TSNAX: variants seen among roughly 807,000 people sequenced by gnomAD.
The protein encoded by TSNAX is translin-associated protein X.
A neutral mutation model predicts 33.0 loss-of-function variants in TSNAX; 12 were observed. The ratio of observed to expected loss-of-function variants is 0.36; its 90% CI spans 0.23 to 0.59. The LOEUF is 0.59. TSNAX is among the 20% of genes least tolerant of loss of function. The pLI, the probability that TSNAX is intolerant of heterozygous loss-of-function variation, is 0.74. For missense variants in TSNAX, 267 were observed against 341.3 expected, an observed-to-expected ratio of 0.78 and a Z score of 1.72; for synonymous variants, 110 against 117.2, an observed-to-expected ratio of 0.94 and a Z score of 0.40.
At chr1:231,548,007 A>ATTT in intron 4 of TSNAX, among the ~76,000 whole-genome samples, 1 of 151,826 alleles carries the variant, frequency 6.6e-6, no homozygotes, top group Non-Finnish European at 1.5e-5. Context: ...CGCCCGGCTA[A>ATTT]TTTTTTGTAT....
At chr1:231,545,559 T>C (rs982896377) in intron 4 of TSNAX, among the ~76,000 whole-genome samples, 1 of 152,202 alleles carries the variant, frequency 6.6e-6, no homozygotes. Flanking sequence ...CATTTTTTTT[T>C]TCCCTCTTGT....
chr1:231,528,733 C>CA lies in TSNAX; in HGVS notation c.-78_-77insA. On this transcript the variant is annotated 5_prime_UTR_variant, in exon 1 of 6. Coordinates refer to ENST00000366639, the MANE Select transcript of TSNAX (RefSeq NM_005999.3). ...TTTCTGCAGGCTGTTTTCCCAGGTT[C>CA]CCTCGGCCTGTACCTCGCGCACTCC... 4 of 1,574,996 alleles carry CA rather than the reference C, an allele frequency of 2.5e-6. No homozygotes were observed. The highest frequency in any genetic ancestry group is 3.5e-6 in the Non-Finnish European group (4 of 1,146,638).
At position 231,537,340 on chromosome 1, in the gene TSNAX, C is replaced by G. The variant is rs781014165; in HGVS notation, c.236+13C>G. ...ATAGGATTACAAGGTGAGTAAGCATCTTTAGAATTTATTACAGTTTGATAC... is the reference window on the plus strand; with the variant it reads ...ATAGGATTACAAGGTGAGTAAGCATGTTTAGAATTTATTACAGTTTGATAC... On this transcript the variant is annotated intron_variant, in intron 3 of 5. Transcript: ENST00000366639. The G allele has an allele frequency of 3.2e-6, 5 of 1,541,120 alleles. No homozygotes were observed. Among genetic ancestry groups the G allele is most frequent in the Non-Finnish European group, 4.5e-6 (5 of 1,120,464 alleles).
intron 4 of TSNAX, among the ~76,000 whole-genome samples, chr1:231,559,588 A>G (rs1340523082): frequency 6.6e-6 from 1 of 152,208 alleles, no homozygotes; most frequent in East Asian, 1.9e-4. Context: ...TTGGCCTCCC[A>G]AAGTGCTGGG....
At chr1:231,557,326 G>C (rs1412015163) in intron 4 of TSNAX, among the ~76,000 whole-genome samples, 1 of 152,148 alleles carries the variant, frequency 6.6e-6, no homozygotes, top group Non-Finnish European at 1.5e-5. Context: ...GGGAAATCAG[G>C]AGATGATGCT....
intron 5 of TSNAX, 33 bp from the exon 6 acceptor site, chr1:231,564,495 G>A (rs1661306255): frequency 1.9e-6 from 3 of 1,590,200 alleles, no homozygotes; most frequent in East Asian, 4.5e-5. Context: ...GTGTGTGTGT[G>A]TGTGTTTTTG....
Position 231,530,710 on chromosome 1 carries a change from CAAAAAA to C in TSNAX, c.121+1364_121+1369del, listed in dbSNP as rs59803472. Among the ~76,000 whole-genome samples the C allele has an allele frequency of 4.8e-4, 35 of 73,212 alleles. No individual in the cohort carries two copies. In the South Asian group the frequency reaches 0.015, roughly 32 times the overall value. 48.0% of individuals were successfully genotyped at this position (73,212 alleles called of 152,430 possible). A position where few individuals can be genotyped will look rare whatever the true frequency, so the allele number is the denominator to read the frequency against. ...TGGGCAACAGAGCGAGGCTCCGTCT[CAAAAAA>C]AAAAAAAAAAAAGTACGAAAAATTA... On this transcript the variant is annotated intron_variant, in intron 2 of 5. Transcript: ENST00000366639.
At chr1:231,553,806 C>T (rs1572136813) in intron 4 of TSNAX, among the ~76,000 whole-genome samples, 1 of 152,042 alleles carries the variant, frequency 6.6e-6, no homozygotes, top group East Asian at 1.9e-4. Flanking sequence ...TTTGCCTCAG[C>T]CTCCCGAGTA....
In TSNAX at chr1:231,542,326, TC is replaced by T. The variant is rs1659628988; in HGVS notation, c.237-154del. ...ACTTAACAGTGTGTTAATAACATTT[TC>T]ATGTTCTCCATACTATGAATAGTTT... is the stretch of plus-strand genomic sequence containing the variant. On this transcript the variant is annotated intron_variant, in intron 3 of 5. Coordinates refer to ENST00000366639, the MANE Select transcript of TSNAX (RefSeq NM_005999.3). The T allele has an allele frequency of 4.3e-6, 3 of 694,112 alleles. No individual in the cohort carries two copies. The African/African-American group carries it at 5.5e-5, about 13-fold the overall frequency. 43.0% of individuals were successfully genotyped at this position (694,112 alleles called of 1,614,324 possible).
intron 4 of TSNAX, among the ~76,000 whole-genome samples, chr1:231,560,642 T>C (rs1294043976): frequency 6.6e-6 from 1 of 151,814 alleles, no homozygotes; most frequent in Non-Finnish European, 1.5e-5. Flanking sequence ...GGTCTCAAAC[T>C]CCTGACCTCA....
chr1:231,534,827 T>TC (rs1266385241), intron 2 of TSNAX: 1 of 152,212 alleles, frequency 6.6e-6, no homozygotes, highest in Non-Finnish European at 1.5e-5. Flanking sequence ...TAGACATGGA[T>TC]CTATGCTCTG....
At position 231,566,040 on chromosome 1, in the gene TSNAX, G is replaced by A. The variant is rs1661410492; in HGVS notation, c.*1135G>A. ...TTTGTTATATTAGGCATGTTTGGAGGCTTTCCTATTCTAGCATTTAAATTT... is the reference window on the plus strand; with the variant it reads ...TTTGTTATATTAGGCATGTTTGGAGACTTTCCTATTCTAGCATTTAAATTT... On this transcript the variant is annotated 3_prime_UTR_variant, in exon 6 of 6. Coordinates refer to ENST00000366639, the MANE Select transcript of TSNAX (RefSeq NM_005999.3). 1 of 151,748 alleles carries A rather than the reference G, an allele frequency of 6.6e-6. No homozygotes were observed. The highest frequency in any genetic ancestry group is 6.6e-5 in the Admixed American group (1 of 15,228). 9.4% of individuals were successfully genotyped at this position (151,748 alleles called of 1,614,324 possible).
In TSNAX at chr1:231,550,545, G is replaced by C. The variant is rs114907565; in HGVS notation, c.367+7934G>C. On this transcript the variant is annotated intron_variant, in intron 4 of 5. Coordinates refer to ENST00000366639, the MANE Select transcript of TSNAX (RefSeq NM_005999.3). ...GCTTTATTTGAGGCATGGCCCCCTG[G>C]TGGAAAGAGAAGTGGCTGTCTCTGC... 8.5e-3 allele frequency among the ~76,000 whole-genome samples: 1,298 copies of C among 152,304 alleles called. 19 individuals are homozygous for C. Among genetic ancestry groups the C allele is most frequent in the African/African-American group, 0.03 (1,228 of 41,568 alleles).
rs1658769056 is a variant in TSNAX, at chr1:231,532,131, A to AACACACACGCACACAC, written c.121+2780_121+2781insGCACACACACACACAC. Among the ~76,000 whole-genome samples the AACACACACGCACACAC allele has an allele frequency of 2.3e-5, 2 of 85,150 alleles. 1 individual carries two copies. The highest frequency in any genetic ancestry group is 9.9e-5 in the African/African-American group (2 of 20,200). The allele number at this position is 85,150 out of a possible 152,430, so 55.9% of individuals were successfully genotyped here. On this transcript the variant is annotated intron_variant, in intron 2 of 5. Coordinates refer to ENST00000366639, the MANE Select transcript of TSNAX (RefSeq NM_005999.3). ...CGTTAATTAGCTTAATAGTGGTAAT[A>AACACACACGCACACAC]ACACACACACACACACACACACACA... is the stretch of plus-strand genomic sequence containing the variant.
intron 3 of TSNAX, among the ~76,000 whole-genome samples, chr1:231,538,146 T>A (rs1056740280): frequency 3.3e-5 from 5 of 152,244 alleles, no homozygotes; most frequent in Non-Finnish European, 7.3e-5. Flanking sequence ...TTGTGACTTT[T>A]GTTTACATTT....
At chr1:231,539,857 T>C (rs1165731955) in intron 3 of TSNAX, among the ~76,000 whole-genome samples, 5 of 152,262 alleles carry the variant, frequency 3.3e-5, no homozygotes, top group East Asian at 1.9e-4. Context: ...ATAGAAACTT[T>C]AGAAATATTA....
At chr1:231,529,219 T>C in intron 1 of TSNAX, 36 bp from the exon 2 acceptor site, 3 of 1,602,668 alleles carry the variant, frequency 1.9e-6, no homozygotes, top group Non-Finnish European at 2.6e-6. Flanking sequence ...CTCTTGGTGA[T>C]GGAAGATCCC....
At chr1:231,564,491 G>T in intron 5 of TSNAX, 37 bp from the exon 6 acceptor site, 1 of 1,588,454 alleles carries the variant, frequency 6.3e-7, no homozygotes, top group Non-Finnish European at 8.6e-7. Context: ...TTGTGTGTGT[G>T]TGTGTGTGTT....
Position 231,553,354 on chromosome 1 carries a change from A to G in TSNAX, c.368-7774A>G, listed in dbSNP as rs953725714. 3.3e-5 allele frequency among the ~76,000 whole-genome samples: 5 copies of G among 152,232 alleles called. No homozygotes were observed. In the East Asian group the frequency reaches 9.6e-4, roughly 29 times the overall value. On this transcript the variant is annotated intron_variant, in intron 4 of 5. Coordinates refer to ENST00000366639, the MANE Select transcript of TSNAX (RefSeq NM_005999.3). Reference sequence around the variant, plus strand: ...CCCTGTTATATGTTCTAATGGGAGAACAAGGAAAAAAATAACAATTTACAT... The same window carrying G: ...CCCTGTTATATGTTCTAATGGGAGAGCAAGGAAAAAAATAACAATTTACAT...
Sources: allele counts gnomAD v4.1 joint callset (sites outside exome capture counted in the v4.1 genomes callset), GRCh38; gene constraint gnomAD v4.1.1; transcripts MANE v1.5; gene names NCBI Gene and HGNC (gene_info 2026-07-23, HGNC 2026-07-21).